The following FLT3 variants were observed in gnomAD, a reference collection of about 807,000 sequenced individuals.
FLT3 encodes fms related receptor tyrosine kinase 3.
FLT3 carries 46 observed loss-of-function variants against 126.6 expected under a neutral mutation model. That is an observed-to-expected ratio of 0.36 (90% CI 0.29 to 0.46). FLT3 has a LOEUF of 0.46. Among genes scored for constraint, FLT3 ranks in the 20% least tolerant of loss-of-function variants. FLT3 has a pLI of 1.00. For missense variants in FLT3, 1,069 were observed against 1,190.3 expected (o/e 0.90, Z 1.50); for synonymous variants, 404 against 434.4 (o/e 0.93, Z 0.87).
At chr13:28,052,208 C>T (rs1055697156) in intron 5 of FLT3, among the ~76,000 whole-genome samples, 1 of 151,758 alleles carries the variant, frequency 6.6e-6, no homozygotes, top group African/African-American at 2.4e-5. Flanking sequence ...GATTCTCCTG[C>T]CTCAGCCTCC....
intron 9 of FLT3, among the ~76,000 whole-genome samples, chr13:28,046,466 C>T (rs972667897): frequency 6.6e-6 from 1 of 152,180 alleles, no homozygotes; most frequent in Non-Finnish European, 1.5e-5. Flanking sequence ...ACATCATTTA[C>T]AAATTCTGTT....
chr13:28,034,836 C>T (rs1353135749), intron 12 of FLT3, among the ~76,000 whole-genome samples: 1 of 151,982 alleles, frequency 6.6e-6, no homozygotes, highest in African/African-American at 2.4e-5. Context: ...TGCCTGTAAT[C>T]CCAGCTGCTC....
chr13:28,048,366 T>C lies in FLT3; in HGVS notation c.1114A>G (p.Arg372Gly). Reference sequence around the variant, plus strand: ...CTGATTTGTGGGTAGGCTTTAAACCTGACAGAAAAACAAAACTCTTCATAT... The same window carrying C: ...CTGATTTGTGGGTAGGCTTTAAACCCGACAGAAAAACAAAACTCTTCATAT... ...DQYEEFCFSV[R>G]FKAYPQIRCT... is the part of the protein sequence containing the mutation. Residue 372 changes from arginine (R) to glycine (G), a missense_variant, in exon 9 of 24, where the codon AGG becomes GGG. Coordinates refer to ENST00000241453, the MANE Select transcript of FLT3 (RefSeq NM_004119.3). The C allele has an allele frequency of 1.2e-6, 2 of 1,613,176 alleles. No homozygotes were observed. Among genetic ancestry groups the C allele is most frequent in the East Asian group, 2.2e-5 (1 of 44,852 alleles).
intron 17 of FLT3, chr13:28,025,291 T>C (rs1350691558): frequency 5.0e-6 from 2 of 403,470 alleles, no homozygotes; most frequent in Non-Finnish European, 9.4e-6. Context: ...CACATCGATC[T>C]CATTCTTTGG....
rs561600208 is a variant in FLT3, at chr13:28,043,939, G to A, written c.1205+4336C>T. Among the ~76,000 whole-genome samples the A allele has an allele frequency of 8.6e-5, 13 of 151,756 alleles. No homozygotes were observed. The South Asian group carries it at 2.1e-3, about 24-fold the overall frequency. The stretch of plus-strand genomic sequence containing the variant: ...AGCCTGGCCAACATGGTGAAACCCC[G>A]TCTCTACTAAAAATACAAAAATTAG... On this transcript the variant is annotated intron_variant, in intron 9 of 23. Coordinates refer to ENST00000241453, the MANE Select transcript of FLT3 (RefSeq NM_004119.3).
At chr13:28,015,488 C>T (rs984677752) in intron 21 of FLT3, 102 bp downstream of exon 21, 9 of 683,070 alleles carry the variant, frequency 1.3e-5, no homozygotes, top group Admixed American at 2.7e-5. Flanking sequence ...GGCTGCAATA[C>T]AAGTAAGACC....
chr13:28,097,251 G>A (rs907768408), intron 1 of FLT3, among the ~76,000 whole-genome samples: 9 of 150,514 alleles, frequency 6.0e-5, no homozygotes, highest in African/African-American at 2.2e-4. Flanking sequence ...AGGAAGGAAG[G>A]AAAGAAGGAA....
In FLT3 at chr13:28,091,898, C is replaced by T. The variant is rs187586461; in HGVS notation, c.43+8570G>A. Among the ~76,000 whole-genome samples, 141 of 152,086 alleles carry T rather than the reference C, an allele frequency of 9.3e-4. 1 individual carries two copies. In the East Asian group the frequency reaches 0.025, roughly 26 times the overall value. Reference sequence around the variant, plus strand: ...CAGCCTGGCCAACATGGTGAAACCCCGTCTTTACTAAAAATACAAAAATTA... The same window carrying T: ...CAGCCTGGCCAACATGGTGAAACCCTGTCTTTACTAAAAATACAAAAATTA... On this transcript the variant is annotated intron_variant, in intron 1 of 23. Transcript: ENST00000241453.
chr13:28,035,634 C>A lies in FLT3; in HGVS notation c.1458G>T (p.Lys486Asn). The change falls in exon 12 of 24, where the codon AAG becomes AAT. Residue 486 changes from lysine to asparagine, a missense_variant. Coordinates refer to ENST00000241453, the MANE Select transcript of FLT3 (RefSeq NM_004119.3). The part of the protein sequence containing the change: ...EEITEGVWNR[K>N]ANRKVFGQWV... ...ACTGTCCAAACACTTTTCTGTTAGC[C>A]TTTCTATTCCAGACTCCTTCTGTGA... 6.2e-7 allele frequency: 1 copy of A among 1,613,940 alleles called. No individual in the cohort carries two copies. The highest frequency in any genetic ancestry group is 8.5e-7 in the Non-Finnish European group (1 of 1,179,986).
In FLT3 at chr13:28,003,959, T is replaced by G; in HGVS notation, c.*93A>C. ...GGTGAAGCAGCAGTTGATAATAGAT[T>G]TTCTTTTAGTGATGAAATTAATCTT... On this transcript the variant is annotated 3_prime_UTR_variant, in exon 24 of 24. Coordinates refer to ENST00000241453, the MANE Select transcript of FLT3 (RefSeq NM_004119.3). The G allele has an allele frequency of 6.9e-7, 1 of 1,448,530 alleles. No individual in the cohort carries two copies. The highest frequency in any genetic ancestry group is 1.2e-5 in the South Asian group (1 of 84,682). 89.7% of individuals were successfully genotyped at this position (1,448,530 alleles called of 1,614,324 possible). A position where few individuals can be genotyped will look rare whatever the true frequency, so the allele number is the denominator to read the frequency against.
chr13:28,040,708 G>A (rs1874284503), intron 9 of FLT3, among the ~76,000 whole-genome samples: 1 of 152,134 alleles, frequency 6.6e-6, no homozygotes, highest in African/African-American at 2.4e-5. Context: ...GTTAAAAGTT[G>A]ACCTTTGGGT....
Position 28,100,538 on chromosome 13 carries a change from C to T in FLT3, c.-28G>A. 1 of 1,209,250 alleles carries T rather than the reference C, an allele frequency of 8.3e-7. No individual in the cohort carries two copies. The highest frequency in any genetic ancestry group is 1.0e-6 in the Non-Finnish European group (1 of 972,696). The allele number at this position is 1,209,250 out of a possible 1,614,324, so 74.9% of individuals were successfully genotyped here. A position where few individuals can be genotyped will look rare whatever the true frequency, so the allele number is the denominator to read the frequency against. On this transcript the variant is annotated 5_prime_UTR_variant, in exon 1 of 24. Coordinates refer to ENST00000241453, the MANE Select transcript of FLT3 (RefSeq NM_004119.3). This position sits in a 1 kb window ranked among gnomAD's most constrained non-coding sequence, Gnocchi z 4.8. ...CCTCCGGAGCCCGGGGTCCCCAGGC[C>T]GCGCCGGCCCAGCCCTGCGATGCCG...
chr13:28,035,415 C>T (rs1873741775), intron 12 of FLT3, 80 bp downstream of exon 12: 2 of 1,372,654 alleles, frequency 1.5e-6, no homozygotes, highest in Non-Finnish European at 2.0e-6. Flanking sequence ...GTAAAATTCC[C>T]CAAGTAAAAG....
At chr13:28,062,743 C>CA (rs59718306) in intron 2 of FLT3, among the ~76,000 whole-genome samples, 940 of 89,978 alleles carry the variant, frequency 0.01, 37 homozygotes, top group Non-Finnish European at 0.015. Context: ...AACTCTGTCT[C>CA]AAAAAAAAAA....
Position 28,035,997 on chromosome 13 carries a change from A to G in FLT3, c.1356T>C (p.Cys452=). The change falls in exon 11 of 24, where the codon TGT becomes TGC. Residue 452 remains cysteine, a synonymous_variant. Coordinates refer to ENST00000241453, the MANE Select transcript of FLT3 (RefSeq NM_004119.3). ...ATGGTAATGGGTATCCATCCGAGAA[A>G]CAGGACGCCTGACTTGCCGATGCTT... ...LAEASASQAS[C]FSDGYPLPSW... 1 of 1,614,162 alleles carries G rather than the reference A, an allele frequency of 6.2e-7. No individual in the cohort carries two copies. Among genetic ancestry groups the G allele is most frequent in the Admixed American group, 1.7e-5 (1 of 60,004 alleles).
At chr13:28,073,431 G>T in intron 1 of FLT3, 1 of 434,596 alleles carries the variant, frequency 2.3e-6, no homozygotes, top group South Asian at 1.7e-5. Flanking sequence ...TATGTGTCCA[G>T]CCATCTTTGT....
intron 1 of FLT3, among the ~76,000 whole-genome samples, chr13:28,095,035 G>C (rs1295254458): frequency 9.9e-5 from 15 of 152,158 alleles, no homozygotes. Flanking sequence ...GACTACCTGA[G>C]AAGTGGATAC....
At position 28,057,437 on chromosome 13, in the gene FLT3, T is replaced by C; in HGVS notation, c.394A>G (p.Lys132Glu). 1.3e-6 allele frequency: 2 copies of C among 1,559,300 alleles called. No homozygotes were observed. The highest frequency in any genetic ancestry group is 1.8e-6 in the Non-Finnish European group (2 of 1,129,936). ...NRGVVSMVIL[K>E]MTETQAGEYL... ...TCTCCAGCTTGGGTTTCTGTCATTT[T>C]CAAAATGACCATGGAAACAACTCCT... is the stretch of plus-strand genomic sequence containing the variant. The change falls in exon 4 of 24, where the codon AAA (lysine) becomes GAA (glutamate). Residue 132 changes from lysine to glutamate, a missense_variant. Physicochemically the swap from Lys to Glu is moderately conservative, Grantham distance 56 (BLOSUM62 1). Coordinates refer to ENST00000241453, the MANE Select transcript of FLT3 (RefSeq NM_004119.3).
intron 9 of FLT3, among the ~76,000 whole-genome samples, chr13:28,047,414 C>G (rs73439124): frequency 0.021 from 3,207 of 152,150 alleles, 98 homozygotes; most frequent in African/African-American, 0.072. Context: ...ATTCCTCCCA[C>G]AAGAGAATCT....
Sources: gnomAD v4.1 joint callset for allele counts (sites outside exome capture counted in the v4.1 genomes callset) on GRCh38, gnomAD v4.1.1 for gene constraint, Gnocchi (gnomAD v3.1) non-coding constraint, MANE v1.5 for transcripts, NCBI Gene and HGNC (gene_info 2026-07-23, HGNC 2026-07-21) for gene names.